Variants in SPTLC1 observed in about 807,000 individuals in gnomAD.
The protein encoded by SPTLC1 is serine palmitoyltransferase 1.
A neutral mutation model predicts 68.9 loss-of-function variants in SPTLC1; 55 were observed. That is an observed-to-expected ratio of 0.80 (90% CI 0.64 to 1.00). The LOEUF (loss-of-function observed/expected upper bound fraction) is 1.00. SPTLC1 is among the 50% of genes least tolerant of loss of function. SPTLC1 has a pLI of 0.00. For missense variants in SPTLC1, 449 were observed against 573.1 expected (o/e 0.78, Z 2.21); for synonymous variants, 197 against 201.6 (o/e 0.98, Z 0.19).
At chr9:92,086,274 A>C (rs1422262048) in intron 3 of SPTLC1, among the ~76,000 whole-genome samples, 2 of 151,628 alleles carry the variant, frequency 1.3e-5, no homozygotes, top group Non-Finnish European at 3.0e-5. Context: ...TGTGAATTTG[A>C]TCCTGTCATT....
intron 5 of SPTLC1, among the ~76,000 whole-genome samples, chr9:92,074,062 TCTC>T (rs1301320475): frequency 1.3e-5 from 2 of 151,170 alleles, no homozygotes; most frequent in Non-Finnish European, 3.0e-5. Context: ...CCTTCCCAGA[TCTC>T]CTCGGCTTGG....
intron 12 of SPTLC1, among the ~76,000 whole-genome samples, chr9:92,038,610 C>T (rs988374336): frequency 1.3e-5 from 2 of 152,220 alleles, no homozygotes; most frequent in Non-Finnish European, 2.9e-5. Context: ...GTCTCATGGC[C>T]CCAGCCTCCC....
chr9:92,063,934 A>G (rs958029749), intron 6 of SPTLC1, among the ~76,000 whole-genome samples: 1 of 152,344 alleles, frequency 6.6e-6, no homozygotes, highest in East Asian at 1.9e-4. Flanking sequence ...ACGCTTTCTA[A>G]TATCAGGAAT....
intron 8 of SPTLC1, among the ~76,000 whole-genome samples, chr9:92,052,540 T>A (rs964561865): frequency 1.3e-5 from 2 of 151,044 alleles, no homozygotes; most frequent in African/African-American, 4.9e-5. Flanking sequence ...TATTATTTTT[T>A]TTTTTTTGAG....
chr9:92,098,225 G>T (rs1835610644), intron 3 of SPTLC1, among the ~76,000 whole-genome samples: 1 of 152,088 alleles, frequency 6.6e-6, no homozygotes, highest in African/African-American at 2.4e-5. Flanking sequence ...CACCTTTCCT[G>T]TTCCCGCCAC....
intron 3 of SPTLC1, among the ~76,000 whole-genome samples, chr9:92,093,646 A>C (rs1237262474): frequency 6.6e-6 from 1 of 152,236 alleles, no homozygotes; most frequent in Non-Finnish European, 1.5e-5. Flanking sequence ...AAATGATAAG[A>C]TATACGATGG....
At position 92,047,413 on chromosome 9, in the gene SPTLC1, C is replaced by T. The variant is rs1325010604; in HGVS notation, c.985-145G>A. 20 of 772,528 alleles carry T rather than the reference C, an allele frequency of 2.6e-5. No homozygotes were observed. In the East Asian group the frequency reaches 4.8e-4, roughly 19 times the overall value. 47.9% of individuals were successfully genotyped at this position (772,528 alleles called of 1,614,324 possible). A position where few individuals can be genotyped will look rare whatever the true frequency, so the allele number is the denominator to read the frequency against. On this transcript the variant is annotated intron_variant, in intron 10 of 14. Transcript: ENST00000262554. ...GATCCAGCCATAAATAAACATTATA[C>T]GTGTAACAGCAACAAGACTTTTTGT...
intron 5 of SPTLC1, among the ~76,000 whole-genome samples, chr9:92,074,827 A>G (rs1381852934): frequency 6.6e-6 from 1 of 151,894 alleles, no homozygotes; most frequent in Non-Finnish European, 1.5e-5. Flanking sequence ...TATCCTCAAT[A>G]CCGCCTTCCA....
chr9:92,059,333 A>AT (rs2118534768), intron 6 of SPTLC1, 25 bp from the exon 7 acceptor site: 1 of 1,612,702 alleles, frequency 6.2e-7, no homozygotes, highest in South Asian at 1.1e-5. Flanking sequence ...GATCCACCAA[A>AT]TTGGGTTTAA....
At chr9:92,076,446 C>T (rs1023855557) in intron 5 of SPTLC1, among the ~76,000 whole-genome samples, 3 of 152,184 alleles carry the variant, frequency 2.0e-5, no homozygotes, top group Non-Finnish European at 2.9e-5. Context: ...TACTCTCCTT[C>T]TGAAACCTTA....
chr9:92,065,471 A>G (rs1162212521), intron 6 of SPTLC1, among the ~76,000 whole-genome samples: 1 of 152,214 alleles, frequency 6.6e-6, no homozygotes, highest in Non-Finnish European at 1.5e-5. Flanking sequence ...AAATTTTAAG[A>G]CACTGGGCAT....
intron 3 of SPTLC1, among the ~76,000 whole-genome samples, chr9:92,106,946 A>G (rs1307492435): frequency 1.3e-5 from 2 of 152,098 alleles, no homozygotes; most frequent in African/African-American, 4.8e-5. Context: ...CAACTTTACT[A>G]TAGAAAACAA....
At chr9:92,050,893 G>T in intron 8 of SPTLC1, 1 of 622,224 alleles carries the variant, frequency 1.6e-6, no homozygotes, top group Non-Finnish European at 2.0e-6. Flanking sequence ...GCTCACTGCA[G>T]CCTTGACCTC....
Position 92,031,872 on chromosome 9 carries a change from T to C in SPTLC1, c.*593A>G, listed in dbSNP as rs1832974177. On this transcript the variant is annotated 3_prime_UTR_variant, in exon 15 of 15. Coordinates refer to ENST00000262554, the MANE Select transcript of SPTLC1 (RefSeq NM_006415.4). Reference sequence around the variant, plus strand: ...TGGTGTGACATCAATATTTAGTGTGTACAAAAGTTCTAAGATTCAAATACA... The same window carrying C: ...TGGTGTGACATCAATATTTAGTGTGCACAAAAGTTCTAAGATTCAAATACA... 1.2e-5 allele frequency: 2 copies of C among 164,818 alleles called. No individual in the cohort carries two copies. The highest frequency in any genetic ancestry group is 3.7e-4 in the South Asian group (2 of 5,442). The allele number at this position is 164,818 out of a possible 1,614,324, so 10.2% of individuals were successfully genotyped here. A position where few individuals can be genotyped will look rare whatever the true frequency, so the allele number is the denominator to read the frequency against.
At chr9:92,057,096 CAT>C (rs1403994399) in intron 7 of SPTLC1, among the ~76,000 whole-genome samples, 1 of 152,196 alleles carries the variant, frequency 6.6e-6, no homozygotes, top group African/African-American at 2.4e-5. Context: ...CTTGTATAAA[CAT>C]ATAAATTACT....
At chr9:92,101,696 A>G (rs189473385) in intron 3 of SPTLC1, among the ~76,000 whole-genome samples, 1 of 148,178 alleles carries the variant, frequency 6.7e-6, no homozygotes, top group African/African-American at 2.5e-5. Flanking sequence ...AAACAAAAGA[A>G]TTTCTGAACT....
At chr9:92,091,771 A>T (rs1835370847) in intron 3 of SPTLC1, among the ~76,000 whole-genome samples, 1 of 152,216 alleles carries the variant, frequency 6.6e-6, no homozygotes. Context: ...TTAAAAAATG[A>T]TACTAGGATT....
chr9:92,087,345 T>C (rs1835184493), intron 3 of SPTLC1, among the ~76,000 whole-genome samples: 1 of 152,222 alleles, frequency 6.6e-6, no homozygotes, highest in Non-Finnish European at 1.5e-5. Context: ...CCAGTTTTTC[T>C]GCTCTGTTTT....
intron 12 of SPTLC1, among the ~76,000 whole-genome samples, chr9:92,044,137 G>A (rs538388155): frequency 8.5e-5 from 13 of 152,296 alleles, no homozygotes; most frequent in Non-Finnish European, 1.5e-4. Flanking sequence ...AGTGGTCCAG[G>A]GTGGTGATAC....
Sources: gnomAD v4.1 joint callset for allele counts (sites outside exome capture counted in the v4.1 genomes callset) on GRCh38, gnomAD v4.1.1 for gene constraint, MANE v1.5 for transcripts, NCBI Gene and HGNC (gene_info 2026-07-23, HGNC 2026-07-21) for gene names.